Variants in SLC9A9 observed in about 807,000 individuals in gnomAD.
SLC9A9 encodes solute carrier family 9 member A9, also known as sodium/hydrogen exchanger 9.
In SLC9A9, 62 loss-of-function variants were observed where a neutral mutation model predicts 77.8. The ratio of observed to expected loss-of-function variants is 0.80; its 90% CI spans 0.65 to 0.98. The LOEUF is 0.98. Among genes scored for constraint, SLC9A9 ranks in the 50% least tolerant of loss-of-function variants. The pLI is 0.00. For synonymous variants in SLC9A9, 320 were observed against 283.5 expected (o/e 1.13, Z -1.29); for missense variants, 775 against 774.9 (o/e 1.00, Z 0.00).
intron 11 of SLC9A9, among the ~76,000 whole-genome samples, chr3:143,476,773 G>C (rs973629450): frequency 3.3e-5 from 5 of 152,220 alleles, no homozygotes; most frequent in Non-Finnish European, 7.3e-5. Context: ...ATATGGCACT[G>C]TCTGGAGATA....
At chr3:143,597,145 G>C (rs1190020595) in intron 6 of SLC9A9, among the ~76,000 whole-genome samples, 1 of 152,244 alleles carries the variant, frequency 6.6e-6, no homozygotes, top group Non-Finnish European at 1.5e-5. Context: ...AGGCGAGTAT[G>C]AGTCAGCAAG....
intron 9 of SLC9A9, among the ~76,000 whole-genome samples, chr3:143,550,357 G>A (rs1432772116): frequency 3.3e-5 from 5 of 152,126 alleles, no homozygotes. Context: ...GCATCATTCA[G>A]TCCAATTCTC....
chr3:143,639,381 T>C (rs1324000296), intron 6 of SLC9A9, among the ~76,000 whole-genome samples: 1 of 152,234 alleles, frequency 6.6e-6, no homozygotes, highest in Non-Finnish European at 1.5e-5. Context: ...TAGTAGGCAC[T>C]AGCATGGGCA....
At chr3:143,452,347 CTAATTTCTAGTTTACAGGAAA>C (rs1251505427) in intron 12 of SLC9A9, among the ~76,000 whole-genome samples, 1 of 151,828 alleles carries the variant, frequency 6.6e-6, no homozygotes, top group African/African-American at 2.4e-5. Context: ...AAGCCTTGAC[CTAATTTCTAGTTTACAGGAAA>C]TATAGCACCG....
intron 4 of SLC9A9, among the ~76,000 whole-genome samples, chr3:143,718,635 T>C (rs1421813526): frequency 1.3e-5 from 2 of 152,196 alleles, no homozygotes; most frequent in Non-Finnish European, 2.9e-5. Context: ...ACAGGCAGGT[T>C]CTGCTATTGC....
At chr3:143,534,565 A>T (rs1175136403) in intron 9 of SLC9A9, among the ~76,000 whole-genome samples, 2 of 152,152 alleles carry the variant, frequency 1.3e-5, no homozygotes, top group African/African-American at 4.8e-5. Context: ...CAGGCAGACC[A>T]CTGGCTGATG....
chr3:143,739,052 G>GTCT (rs1374936035), intron 4 of SLC9A9, among the ~76,000 whole-genome samples: 1 of 152,122 alleles, frequency 6.6e-6, no homozygotes, highest in African/African-American at 2.4e-5. Context: ...TCTCCAGCCT[G>GTCT]TCTCTCTCCC....
rs560843474 is a variant in SLC9A9 at position 143,711,547 on chromosome 3, G to A, written c.534-18240C>T. ...CCTGAGTAGCTGGGACTACAGGTGA[G>A]TGCCACCACACCTGGCTAATTTAAA... On this transcript the variant is annotated intron_variant, in intron 4 of 15. Transcript: ENST00000316549. 9.3e-5 allele frequency among the ~76,000 whole-genome samples: 14 copies of A among 151,094 alleles called. No individual in the cohort carries two copies. In the East Asian group the frequency reaches 2.7e-3, roughly 29 times the overall value.
In SLC9A9 at chr3:143,678,033, A is replaced by G. The variant is rs192820238; in HGVS notation, c.649+15159T>C. Among the ~76,000 whole-genome samples the G allele has an allele frequency of 2.9e-3, 446 of 152,018 alleles. 5 individuals carry two copies. Among genetic ancestry groups the G allele is most frequent in the African/African-American group, 9.8e-3 (408 of 41,494 alleles). On this transcript the variant is annotated intron_variant, in intron 5 of 15. Coordinates refer to ENST00000316549, the MANE Select transcript of SLC9A9 (RefSeq NM_173653.4). ...AGTAGAGACGGGGTTTCACCGTGTT[A>G]GCCAGGATGGTCTGGATCTCCTGAC... is the stretch of plus-strand genomic sequence containing the variant.
chr3:143,277,754 A>T (rs1206053305), intron 14 of SLC9A9, among the ~76,000 whole-genome samples: 1 of 152,182 alleles, frequency 6.6e-6, no homozygotes, highest in Non-Finnish European at 1.5e-5. Flanking sequence ...CCAGACCTAG[A>T]TGCCCTCTGT....
At chr3:143,645,449 A>T (rs1483849796) in intron 6 of SLC9A9, among the ~76,000 whole-genome samples, 1 of 152,158 alleles carries the variant, frequency 6.6e-6, no homozygotes, top group Admixed American at 6.6e-5. Context: ...GGCCGAGATG[A>T]GTGGCTATGC....
At chr3:143,433,688 A>C (rs898207795) in intron 12 of SLC9A9, among the ~76,000 whole-genome samples, 4 of 152,220 alleles carry the variant, frequency 2.6e-5, no homozygotes, top group African/African-American at 9.6e-5. Context: ...TACTCCAGAA[A>C]GCAATTAACT....
At chr3:143,613,487 T>A (rs2038052403) in intron 6 of SLC9A9, among the ~76,000 whole-genome samples, 1 of 152,236 alleles carries the variant, frequency 6.6e-6, no homozygotes, top group Admixed American at 6.5e-5. Flanking sequence ...GTATGTTAAG[T>A]GCTTACCAGG....
At chr3:143,827,386 G>A (rs1278327144) in intron 2 of SLC9A9, among the ~76,000 whole-genome samples, 1 of 152,126 alleles carries the variant, frequency 6.6e-6, no homozygotes, top group Non-Finnish European at 1.5e-5. Flanking sequence ...GAAGAATACT[G>A]TTTTCACCAA....
chr3:143,535,719 AAT>A (rs2036579599), intron 9 of SLC9A9, among the ~76,000 whole-genome samples: 1 of 152,164 alleles, frequency 6.6e-6, no homozygotes, highest in African/African-American at 2.4e-5. Flanking sequence ...TCGTAACCCA[AAT>A]ATATATAATA....
At chr3:143,693,115 G>T (rs923962328) in intron 5 of SLC9A9, 77 bp downstream of exon 5, 4 of 1,076,472 alleles carry the variant, frequency 3.7e-6, no homozygotes, top group Non-Finnish European at 2.8e-6. Flanking sequence ...GTAGACGCAG[G>T]TGATGGTCTT....
intron 9 of SLC9A9, chr3:143,504,101 T>C: frequency 2.0e-6 from 1 of 495,218 alleles, no homozygotes; most frequent in Non-Finnish European, 4.0e-6. Context: ...TTGATGGTAC[T>C]GTGGAACTTG....
intron 5 of SLC9A9, among the ~76,000 whole-genome samples, chr3:143,674,595 T>C (rs1307765723): frequency 6.6e-6 from 1 of 152,074 alleles, no homozygotes; most frequent in African/African-American, 2.4e-5. Flanking sequence ...GAAAGCTTAT[T>C]TGGGCAAGGG....
intron 12 of SLC9A9, among the ~76,000 whole-genome samples, chr3:143,420,280 A>G (rs1430966259): frequency 3.8e-5 from 1 of 26,446 alleles, no homozygotes; most frequent in Non-Finnish European, 8.0e-5. Context: ...GGGACGTAGT[A>G]AGGATTAACA....
Sources: allele counts gnomAD v4.1 joint callset (sites outside exome capture counted in the v4.1 genomes callset), GRCh38; gene constraint gnomAD v4.1.1; transcripts MANE v1.5; gene names NCBI Gene and HGNC (gene_info 2026-07-23, HGNC 2026-07-21).